The following LNX1 variants were observed in gnomAD, a reference collection of about 807,000 sequenced individuals.
The protein encoded by LNX1 is E3 ubiquitin-protein ligase LNX.
Under a neutral mutation model 68.4 loss-of-function variants are expected in LNX1, and 54 were observed. The observed-to-expected ratio is 0.79, with a 90% CI of 0.63 to 0.99. LNX1 has a LOEUF of 0.99. LNX1 is among the 50% of genes least tolerant of loss of function. The pLI, the probability that LNX1 is intolerant of heterozygous loss-of-function variation, is 0.00. For missense variants in LNX1, 906 were observed against 926.4 expected, an observed-to-expected ratio of 0.98 and a Z score of 0.29; for synonymous variants, 336 against 350.0, an observed-to-expected ratio of 0.96 and a Z score of 0.45.
At chr4:53,569,700 A>G (rs1180000927) in intron 2 of LNX1, among the ~76,000 whole-genome samples, 2 of 150,712 alleles carry the variant, frequency 1.3e-5, no homozygotes, top group Non-Finnish European at 3.0e-5. Flanking sequence ...GCACAGCAAA[A>G]GAAACTACCA....
intron 1 of LNX1, among the ~76,000 whole-genome samples, chr4:53,580,759 G>A (rs1165371221): frequency 6.6e-6 from 1 of 152,182 alleles, no homozygotes; most frequent in African/African-American, 2.4e-5. Context: ...TTCAGTACTG[G>A]AACTCATAAT....
intron 1 of LNX1, chr4:53,576,386 G>A: frequency 6.4e-7 from 1 of 1,570,904 alleles, no homozygotes; most frequent in African/African-American, 1.3e-5. Flanking sequence ...CTGCAGGACT[G>A]ACCCCTCACA....
intron 1 of LNX1, among the ~76,000 whole-genome samples, chr4:53,648,322 A>G (rs1734968482): frequency 6.6e-6 from 1 of 152,182 alleles, no homozygotes; most frequent in South Asian, 2.1e-4. Context: ...GGGAGGTGGT[A>G]TCTCATTGTG....
At chr4:53,535,160 A>T (rs1262331864) in intron 2 of LNX1, among the ~76,000 whole-genome samples, 1 of 152,206 alleles carries the variant, frequency 6.6e-6, no homozygotes, top group Non-Finnish European at 1.5e-5. Context: ...AACACAAAGG[A>T]TGTAATCAAA....
chr4:53,643,007 T>C (rs1248166833), intron 1 of LNX1, among the ~76,000 whole-genome samples: 1 of 152,166 alleles, frequency 6.6e-6, no homozygotes, highest in Non-Finnish European at 1.5e-5. Flanking sequence ...CATTTTTGGT[T>C]GTTACAACTT....
Position 53,460,978 on chromosome 4 carries a change from C to G in LNX1, c.2116G>C (p.Ala706Pro), listed in dbSNP as rs1404011574. Residue 706 changes from alanine (A) to proline (P), a missense_variant, in exon 11 of 11, where the codon GCA (alanine) becomes CCA (proline). Coordinates refer to ENST00000263925, the MANE Select transcript of LNX1 (RefSeq NM_001126328.3). ...STSGMIHACL[A>P]RLLKELKGRI... Reference sequence around the variant, plus strand: ...CCTTTAAGTTCTTTCAGCAGTCTTGCCAAGCAAGCATGTATCATTCCTGAT... The same window carrying G: ...CCTTTAAGTTCTTTCAGCAGTCTTGGCAAGCAAGCATGTATCATTCCTGAT... 2 of 1,609,256 alleles carry G rather than the reference C, an allele frequency of 1.2e-6. No homozygotes were observed. The highest frequency in any genetic ancestry group is 1.6e-4 in the Middle Eastern group (1 of 6,074).
chr4:53,513,671 T>C (rs548787019), intron 2 of LNX1, among the ~76,000 whole-genome samples: 2 of 152,314 alleles, frequency 1.3e-5, no homozygotes, highest in African/African-American at 4.8e-5. Flanking sequence ...ACATGAAATA[T>C]TCAGAATCCA....
At chr4:53,471,187 C>T (rs569809451) in intron 9 of LNX1, among the ~76,000 whole-genome samples, 12 of 151,480 alleles carry the variant, frequency 7.9e-5, no homozygotes, top group African/African-American at 2.9e-4. Flanking sequence ...AATAATGCCG[C>T]ATATCTACAA....
chr4:53,598,928 G>C (rs561013177), intron 2 of LNX1, among the ~76,000 whole-genome samples: 1 of 152,336 alleles, frequency 6.6e-6, no homozygotes, highest in South Asian at 2.1e-4. Flanking sequence ...GAGGAACTTA[G>C]AGTCAATAAG....
intron 2 of LNX1, among the ~76,000 whole-genome samples, chr4:53,565,338 C>A (rs1466031691): frequency 1.3e-5 from 2 of 152,010 alleles, no homozygotes; most frequent in Non-Finnish European, 2.9e-5. Flanking sequence ...GGGTCCCTGA[C>A]CCCTGACCCC....
intron 9 of LNX1, among the ~76,000 whole-genome samples, chr4:53,472,459 C>T (rs567061005): frequency 4.1e-4 from 62 of 151,452 alleles, no homozygotes; most frequent in Non-Finnish European, 7.4e-4. Context: ...GCACGTTGTG[C>T]ATATGTACCC....
At chr4:53,576,055 G>A in intron 1 of LNX1, 6 of 1,561,558 alleles carry the variant, frequency 3.8e-6, no homozygotes, top group Non-Finnish European at 5.2e-6. Flanking sequence ...CCAGCTCCAG[G>A]AACTCTGCAT....
chr4:53,469,615 G>C (rs1235096003), intron 9 of LNX1, among the ~76,000 whole-genome samples: 1 of 152,112 alleles, frequency 6.6e-6, no homozygotes, highest in Admixed American at 6.5e-5. Context: ...AAGAAGAAAA[G>C]AGAGAAGAAT....
At chr4:53,510,875 C>T (rs1168841720) in intron 2 of LNX1, among the ~76,000 whole-genome samples, 1 of 152,194 alleles carries the variant, frequency 6.6e-6, no homozygotes. Context: ...GAGGACACAG[C>T]ATGTCCTAGT....
intron 1 of LNX1, among the ~76,000 whole-genome samples, chr4:53,649,591 G>A (rs1199831522): frequency 6.6e-6 from 1 of 152,156 alleles, no homozygotes; most frequent in Non-Finnish European, 1.5e-5. Context: ...GCCACCCTGA[G>A]GTAGCTCCTG....
intron 6 of LNX1, among the ~76,000 whole-genome samples, chr4:53,482,116 G>A (rs1435310545): frequency 6.6e-6 from 1 of 152,144 alleles, no homozygotes; most frequent in African/African-American, 2.4e-5. Context: ...CTTTGAAAAG[G>A]CATCATCAGA....
intron 1 of LNX1, chr4:53,576,504 T>C: frequency 8.4e-7 from 1 of 1,194,966 alleles, no homozygotes; most frequent in Non-Finnish European, 1.1e-6. Context: ...AGGCTCTTCA[T>C]CCAGGTGCTT....
At chr4:53,646,347 A>G (rs1479186573) in intron 1 of LNX1, among the ~76,000 whole-genome samples, 2 of 152,212 alleles carry the variant, frequency 1.3e-5, no homozygotes, top group African/African-American at 2.4e-5. Context: ...CTGCTAAACT[A>G]ACATGGCTCC....
intron 6 of LNX1, among the ~76,000 whole-genome samples, chr4:53,485,809 AG>A (rs1724253500): frequency 1.3e-5 from 2 of 152,254 alleles, no homozygotes; most frequent in African/African-American, 4.8e-5. Context: ...GGGGGAGTAT[AG>A]GGGAGACACA....
Sources: gnomAD v4.1 joint callset for allele counts (sites outside exome capture counted in the v4.1 genomes callset) on GRCh38, gnomAD v4.1.1 for gene constraint, MANE v1.5 for transcripts, NCBI Gene and HGNC (gene_info 2026-07-23, HGNC 2026-07-21) for gene names.